FAAH2: variants seen among roughly 807,000 people sequenced by gnomAD.
FAAH2 encodes fatty acid amide hydrolase 2.
A neutral mutation model predicts 36.9 loss-of-function variants in FAAH2; 60 were observed. The ratio of observed to expected loss-of-function variants is 1.63; its 90% CI spans 1.32 to 2.02. The LOEUF (loss-of-function observed/expected upper bound fraction) is 2.02, where lower values mean the gene tolerates loss of function less well. Among genes scored for constraint, FAAH2 ranks in the 30% most tolerant of loss-of-function variants. FAAH2 has a pLI of 0.00. For missense variants in FAAH2, 689 were observed against 397.5 expected (o/e 1.73, Z -6.23); for synonymous variants, 214 against 143.8 (o/e 1.49, Z -3.49).
rs947292604 is a variant in FAAH2 at position 57,450,533 on chromosome X, A to G, written c.1423+1815A>G. 1.4e-4 allele frequency among the ~76,000 whole-genome samples: 16 copies of G among 112,081 alleles called. No homozygotes were observed. The East Asian group carries it at 4.5e-3, about 31-fold the overall frequency. ...GTTTTTATTGTCTTTACTAAAGCTG[A>G]AAATATAAGAGGTTTGTGAGACCTT... On this transcript the variant is annotated intron_variant, in intron 10 of 10. Coordinates refer to ENST00000374900, the MANE Select transcript of FAAH2 (RefSeq NM_174912.4).
intron 5 of FAAH2, among the ~76,000 whole-genome samples, chrX:57,349,739 C>T (rs755684181): frequency 9.4e-6 from 1 of 106,921 alleles, no homozygotes; most frequent in African/African-American, 3.4e-5. Flanking sequence ...TAAAAAAAAC[C>T]AAGGCCTCCA....
the FAAH2 span, among the ~76,000 whole-genome samples, chrX:57,182,579 T>C: frequency 1.8e-5 from 2 of 111,534 alleles, no homozygotes; most frequent in Non-Finnish European, 3.8e-5. Flanking sequence ...GAAAAAGGAA[T>C]GATTTCCCTC....
the FAAH2 span, among the ~76,000 whole-genome samples, chrX:57,203,177 G>A: frequency 2.7e-5 from 3 of 112,090 alleles, no homozygotes; most frequent in Non-Finnish European, 5.6e-5. Context: ...TTTATTGACA[G>A]CAAGCCAGTG....
chrX:57,353,697 A>G (rs1320833700), intron 5 of FAAH2, among the ~76,000 whole-genome samples: 1 of 111,019 alleles, frequency 9.0e-6, no homozygotes, highest in African/African-American at 3.3e-5. Context: ...AAGTATTTGC[A>G]AATTATTCAT....
the FAAH2 span, among the ~76,000 whole-genome samples, chrX:57,191,527 G>T: frequency 9.0e-6 from 1 of 111,132 alleles, no homozygotes; most frequent in African/African-American, 3.3e-5. Context: ...GTTCTGGTTG[G>T]CTATGCTTGT....
intron 7 of FAAH2, chrX:57,395,426 C>T: frequency 1.5e-6 from 1 of 673,945 alleles, no homozygotes; most frequent in Non-Finnish European, 2.3e-6. Context: ...TATTAGTCTG[C>T]TGCCCACGAT....
chrX:57,317,131 G>GA (rs1413236788), intron 3 of FAAH2, among the ~76,000 whole-genome samples: 1 of 111,439 alleles, frequency 9.0e-6, no homozygotes, highest in Non-Finnish European at 1.9e-5. Context: ...ACAAATATTT[G>GA]AAAAATGCTC....
At chrX:57,123,779 C>T in the FAAH2 span, among the ~76,000 whole-genome samples, 1 of 112,401 alleles carries the variant, frequency 8.9e-6, no homozygotes, top group African/African-American at 3.2e-5. Context: ...ATTCATGTGT[C>T]TGTTGGCTGC....
intron 7 of FAAH2, among the ~76,000 whole-genome samples, chrX:57,401,566 C>T (rs6612798): frequency 0.53 from 57,957 of 110,274 alleles, 13,571 homozygotes; most frequent in Non-Finnish European, 0.72. Context: ...TTCTGTACTC[C>T]TAAAATTGGA....
chrX:57,397,208 T>C (rs754595383), intron 7 of FAAH2, among the ~76,000 whole-genome samples: 21 of 111,861 alleles, frequency 1.9e-4, no homozygotes, highest in Non-Finnish European at 3.4e-4. Context: ...TCTTGCTTTT[T>C]CATCCAATAT....
At chrX:57,405,453 G>A (rs1218316183) in intron 7 of FAAH2, among the ~76,000 whole-genome samples, 1 of 110,077 alleles carries the variant, frequency 9.1e-6, no homozygotes, top group Non-Finnish European at 1.9e-5. Context: ...GAACAGTGGT[G>A]AGTCTTTAGC....
the FAAH2 span, among the ~76,000 whole-genome samples, chrX:57,200,438 G>T: frequency 9.4e-6 from 1 of 106,178 alleles, no homozygotes; most frequent in African/African-American, 3.5e-5. Flanking sequence ...GAGTGCAATG[G>T]CACGATCCTG....
the FAAH2 span, among the ~76,000 whole-genome samples, chrX:57,248,794 C>CTT: frequency 2.5e-4 from 11 of 44,184 alleles, no homozygotes; most frequent in South Asian, 1.7e-3. Flanking sequence ...AATAGTGTGT[C>CTT]TTTTTTTTTT....
At chrX:57,307,903 C>T (rs1236619208) in intron 2 of FAAH2, among the ~76,000 whole-genome samples, 3 of 55,559 alleles carry the variant, frequency 5.4e-5, no homozygotes, top group Non-Finnish European at 1.1e-4. Context: ...GGTTTTTGTG[C>T]CTGTGTTAAT....
At chrX:57,383,854 C>G (rs1410542399) in intron 7 of FAAH2, among the ~76,000 whole-genome samples, 1 of 111,581 alleles carries the variant, frequency 9.0e-6, no homozygotes, top group African/African-American at 3.3e-5. Flanking sequence ...AAAAAAGAGC[C>G]CACATTGCCA....
At chrX:57,417,765 G>A (rs1356336876) in intron 7 of FAAH2, among the ~76,000 whole-genome samples, 2 of 112,050 alleles carry the variant, frequency 1.8e-5, no homozygotes, top group Middle Eastern at 4.6e-3. Flanking sequence ...GCTGTTCTGG[G>A]AGATCTGCTG....
the FAAH2 span, among the ~76,000 whole-genome samples, chrX:57,236,414 C>T: frequency 1.1e-3 from 126 of 112,159 alleles, no homozygotes; most frequent in African/African-American, 4.0e-3. Context: ...GAGGAATCTC[C>T]GCAGTGTTTT....
chrX:57,150,741 G>C, the FAAH2 span, among the ~76,000 whole-genome samples: 1 of 112,034 alleles, frequency 8.9e-6, no homozygotes, highest in South Asian at 3.7e-4. Context: ...CTTTTAATTG[G>C]AGCATTTAGC....
chrX:57,300,691 A>C (rs1320742624), intron 2 of FAAH2, among the ~76,000 whole-genome samples: 1 of 111,752 alleles, frequency 8.9e-6, no homozygotes, highest in Non-Finnish European at 1.9e-5. Context: ...AATGGGAGAA[A>C]ATTTTTTGCA....
Sources: allele counts gnomAD v4.1 joint callset (sites outside exome capture counted in the v4.1 genomes callset), GRCh38; gene constraint gnomAD v4.1.1; transcripts MANE v1.5; gene names NCBI Gene and HGNC (gene_info 2026-07-23, HGNC 2026-07-21).